The following COL6A3 variants were observed in gnomAD, a reference collection of about 807,000 sequenced individuals.
COL6A3 encodes the protein collagen type VI alpha 3 chain.
In COL6A3, 137 loss-of-function variants were observed where a neutral mutation model predicts 274.1. That is an observed-to-expected ratio of 0.50 (90% CI 0.44 to 0.58). The LOEUF (loss-of-function observed/expected upper bound fraction) is 0.58. COL6A3 is among the 20% of genes least tolerant of loss of function. The probability of loss-of-function intolerance (pLI) is 0.00; values close to 1 mark genes in which losing one functional copy is unlikely to be tolerated. For synonymous variants in COL6A3, 1,650 were observed against 1,650.6 expected (o/e 1.00, Z 0.01); for missense variants, 3,950 against 4,124.9 (o/e 0.96, Z 1.16).
chr2:237,331,327 T>C (rs1449059547), intron 42 of COL6A3, among the ~76,000 whole-genome samples: 3 of 151,768 alleles, frequency 2.0e-5, no homozygotes, highest in Non-Finnish European at 4.4e-5. Context: ...TAAAAACCAT[T>C]AAAAAATTTT....
chr2:237,325,568 C>T lies in COL6A3; in HGVS notation c.9485G>A (p.Cys3162Tyr). 6.2e-7 allele frequency: 1 copy of T among 1,614,172 alleles called. No homozygotes were observed. Among genetic ancestry groups the T allele is most frequent in the Non-Finnish European group, 8.5e-7 (1 of 1,180,034 alleles). The change falls in exon 43 of 44, where the codon TGC (cysteine) becomes TAC (tyrosine). Residue 3162 changes from cysteine to tyrosine, a missense_variant. Cys to Tyr is a radical substitution (Grantham distance 194). Transcript: ENST00000295550. Reference protein sequence around the residue: ...FGSQKECEKVCAPVLAKPGVI... With the variant: ...FGSQKECEKVYAPVLAKPGVI... ...AAGGAAGAATCACTTACCAGGAGCG[C>T]AAACCTTTTCACATTCTTTCTGTGA...
intron 31 of COL6A3, among the ~76,000 whole-genome samples, chr2:237,347,438 C>T (rs991858187): frequency 6.6e-6 from 1 of 152,234 alleles, no homozygotes; most frequent in Admixed American, 6.5e-5. Flanking sequence ...GAAGCAGTTG[C>T]CATGCCTCAT....
Position 237,396,720 on chromosome 2 carries a change from C to A in COL6A3, c.91+7G>T. 6.2e-7 allele frequency: 1 copy of A among 1,614,064 alleles called. No homozygotes were observed. Among genetic ancestry groups the A allele is most frequent in the Admixed American group, 1.7e-5 (1 of 60,024 alleles). On this transcript the variant is annotated splice_region_variant and intron_variant, in intron 2 of 43. Transcript: ENST00000295550. ...TTTACAAAATCAAGGACGTTTCTGG[C>A]TCTTACCTGCTTGCTGCTGCTGGGC... is the stretch of plus-strand genomic sequence containing the variant.
chr2:237,366,555 A>G, intron 11 of COL6A3, 132 bp downstream of exon 11: 1 of 1,337,252 alleles, frequency 7.5e-7, no homozygotes, highest in Non-Finnish European at 1.1e-6. Context: ...GACCAGTCCC[A>G]GTGGGTATAA....
At chr2:237,386,005 G>C (rs1425479417) in intron 4 of COL6A3, among the ~76,000 whole-genome samples, 1 of 152,226 alleles carries the variant, frequency 6.6e-6, no homozygotes, top group African/African-American at 2.4e-5. Context: ...TTCTCCAGAA[G>C]GCAACACTCA....
chr2:237,357,819 T>C lies in COL6A3; in HGVS notation c.6535A>G (p.Met2179Val). ...PKGETGDLGP[M>V]GVPGRDGVPG... ...TCTAGGAATGTGCAGCACCTTACCA[T>C]GGGGCCGAGGTCACCGGTTTCTCCT... The change falls in exon 22 of 44, where the codon ATG becomes GTG. Residue 2179 changes from methionine to valine, a missense_variant and splice_region_variant. Around this residue, in one of 5 missense-constraint regions of COL6A3, gnomAD observed 1,284 missense variants for 1,349.7 expected, o/e 0.95. Transcript: ENST00000295550. 1 of 1,614,080 alleles carries C rather than the reference T, an allele frequency of 6.2e-7. No individual in the cohort carries two copies. The highest frequency in any genetic ancestry group is 1.7e-5 in the Admixed American group (1 of 60,028).
Position 237,387,579 on chromosome 2 carries a change from T to G in COL6A3, c.1312+3A>C. 6.2e-7 allele frequency: 1 copy of G among 1,613,962 alleles called. No homozygotes were observed. The highest frequency in any genetic ancestry group is 8.5e-7 in the Non-Finnish European group (1 of 1,179,972). ...ACACAGATGGTGAGAAGAGGATACA[T>G]ACCTTGTGTGACAATGGTTGGCGGT... On this transcript the variant is annotated splice_donor_region_variant and intron_variant, in intron 4 of 43. Coordinates refer to ENST00000295550, the MANE Select transcript of COL6A3 (RefSeq NM_004369.4).
chr2:237,387,481 C>T, intron 4 of COL6A3, 101 bp downstream of exon 4: 1 of 1,567,168 alleles, frequency 6.4e-7, no homozygotes, highest in South Asian at 1.2e-5. Context: ...GTACTTACAG[C>T]TTCTCCCGTG....
rs1195025481 is a variant in COL6A3 at position 237,413,830 on chromosome 2, C to T, written c.-31+123G>A. The T allele has an allele frequency of 1.3e-5, 2 of 152,106 alleles. No homozygotes were observed. Among genetic ancestry groups the T allele is most frequent in the Non-Finnish European group, 2.9e-5 (2 of 68,026 alleles). The allele number at this position is 152,106 out of a possible 1,614,324, so 9.4% of individuals were successfully genotyped here. On this transcript the variant is annotated intron_variant, in intron 1 of 43. Transcript: ENST00000295550. The surrounding 1 kb of genome is among the most constrained non-coding windows in gnomAD (Gnocchi z 4.0). ...ATCTTCCAGAGACCTAAAACATGTA[C>T]AGAAAACTGGCGATCAGCATGAACG... is the stretch of plus-strand genomic sequence containing the variant.
At chr2:237,325,409 T>C (rs1330452643) in intron 43 of COL6A3, 151 bp downstream of exon 43, 5 of 864,794 alleles carry the variant, frequency 5.8e-6, no homozygotes. Flanking sequence ...ATTTCATGGG[T>C]TGTATTTGAA....
rs777496872 is a variant in COL6A3 at position 237,344,642 on chromosome 2, C to T, written c.7376G>A (p.Arg2459Gln). 2.6e-5 allele frequency: 42 copies of T among 1,613,902 alleles called. No individual in the cohort carries two copies. The highest frequency in any genetic ancestry group is 1.3e-4 in the Admixed American group (8 of 60,002). ...TYNNEVTTEI[R>Q]FADSKRKSVL... ...CGACTTCCTCTTGGAGTCAGCAAAC[C>T]GGATCTCCGTGGTCACCTCGTTGTT... The change falls in exon 36 of 44, where the codon CGG becomes CAG. Residue 2459 changes from arginine (R) to glutamine (Q), a missense_variant. Arg to Gln is a conservative substitution (Grantham distance 43). Around this residue, in one of 5 missense-constraint regions of COL6A3, gnomAD observed 1,284 missense variants for 1,349.7 expected, o/e 0.95. Transcript: ENST00000295550. This position sits in a 1 kb window ranked among gnomAD's most constrained non-coding sequence, Gnocchi z 4.8.
intron 27 of COL6A3, among the ~76,000 whole-genome samples, chr2:237,350,474 G>A (rs1225595128): frequency 2.6e-5 from 4 of 152,170 alleles, no homozygotes; most frequent in African/African-American, 4.8e-5. Context: ...AAGAAGGCAC[G>A]GAAGGCGGTG....
In COL6A3 at chr2:237,374,285, C is replaced by T. The variant is rs538037851; in HGVS notation, c.3679+127G>A. The T allele has an allele frequency of 2.2e-5, 30 of 1,390,472 alleles. No individual in the cohort carries two copies. The highest frequency in any genetic ancestry group is 3.0e-5 in the Non-Finnish European group (30 of 995,730). 86.1% of individuals were successfully genotyped at this position (1,390,472 alleles called of 1,614,324 possible). On this transcript the variant is annotated intron_variant, in intron 8 of 43. Transcript: ENST00000295550. The surrounding 1 kb of genome is among the most constrained non-coding windows in gnomAD (Gnocchi z 4.8). ...AAGGGCATGTGGGTTCCTAAATTTT[C>T]CTGTAATTTTAGTTTTCACTTCACA...
At chr2:237,341,783 G>A (rs111247159) in intron 37 of COL6A3, among the ~76,000 whole-genome samples, 19 of 152,256 alleles carry the variant, frequency 1.2e-4, no homozygotes, top group African/African-American at 4.1e-4. Flanking sequence ...TAGTGCCAAT[G>A]TTTTCATTCT....
intron 4 of COL6A3, among the ~76,000 whole-genome samples, chr2:237,387,215 G>A (rs2078165633): frequency 1.3e-5 from 2 of 152,148 alleles, no homozygotes; most frequent in African/African-American, 4.8e-5. Flanking sequence ...CATAGTCCTG[G>A]AGTAACTTTC....
chr2:237,325,839 G>T (rs904776517), intron 42 of COL6A3, 115 bp from the exon 43 acceptor site: 13 of 862,324 alleles, frequency 1.5e-5, no homozygotes, highest in Admixed American at 2.6e-5. Flanking sequence ...AAAAAGAAGA[G>T]CTTCCAGGTG....
At position 237,387,922 on chromosome 2, in the gene COL6A3, G is replaced by A. The variant is rs761334907; in HGVS notation, c.972C>T (p.Leu324=). 1.5e-5 allele frequency: 24 copies of A among 1,614,180 alleles called. 1 individual carries two copies. The Middle Eastern group carries it at 8.2e-4, about 55-fold the overall frequency. The change falls in exon 4 of 44, where the codon CTC becomes CTT. Residue 324 remains leucine, a synonymous_variant. Transcript: ENST00000295550. ...FAGGELANIG[L]ALDFVVENHF... ...GGTTCTCCACCACGAAATCAAGGGC[G>A]AGGCCGATATTGGCCAACTCCCCAC... is the stretch of plus-strand genomic sequence containing the variant.
intron 38 of COL6A3, 138 bp downstream of exon 38, chr2:237,340,314 G>T (rs541372187): frequency 1.3e-5 from 10 of 788,244 alleles, no homozygotes; most frequent in Non-Finnish European, 1.9e-5. Context: ...CATATGGCAG[G>T]TGTCAATATA....
rs1451544328 is a variant in COL6A3, at chr2:237,344,368, C to A, written c.7650G>T (p.Gln2550His). 1 of 1,614,082 alleles carries A rather than the reference C, an allele frequency of 6.2e-7. No homozygotes were observed. Among genetic ancestry groups the A allele is most frequent in the Non-Finnish European group, 8.5e-7 (1 of 1,180,038 alleles). The change falls in exon 36 of 44, where the codon CAG (glutamine) becomes CAT (histidine). Residue 2550 changes from glutamine (Q) to histidine (H), a missense_variant. By Grantham distance (24) the Gln-to-His change is conservative. Transcript: ENST00000295550. The surrounding 1 kb of genome is among the most constrained non-coding windows in gnomAD (Gnocchi z 4.8). ...PLFLTRQEDR[Q>H]LINALQINNT... ...CACAGACCTGCAAAGCGTTGATGAGCTGCCGGTCTTCCTGCCTTGTAAGGA... is the reference window on the plus strand; with the variant it reads ...CACAGACCTGCAAAGCGTTGATGAGATGCCGGTCTTCCTGCCTTGTAAGGA...
Sources: gnomAD v4.1 joint callset for allele counts (sites outside exome capture counted in the v4.1 genomes callset) on GRCh38, gnomAD v4.1.1 for gene constraint, gnomAD v4.1.1 regional missense constraint, Gnocchi (gnomAD v3.1) non-coding constraint, MANE v1.5 for transcripts, NCBI Gene and HGNC (gene_info 2026-07-23, HGNC 2026-07-21) for gene names.